The following RAD51B variants were observed in gnomAD, a reference collection of about 807,000 sequenced individuals.
RAD51B encodes the protein DNA repair protein RAD51 homolog 2.
RAD51B carries 38 observed loss-of-function variants against 42.2 expected under a neutral mutation model. The ratio of observed to expected loss-of-function variants is 0.90; its 90% CI spans 0.70 to 1.18. The LOEUF is 1.18. RAD51B is among the 50% of genes most tolerant of loss of function. The pLI is 0.00. For synonymous variants in RAD51B, 154 were observed against 145.2 expected (o/e 1.06, Z -0.43); for missense variants, 373 against 400.7 (o/e 0.93, Z 0.59).
intron 10 of RAD51B, among the ~76,000 whole-genome samples, chr14:68,621,862 T>G (rs8009151): frequency 0.23 from 35,647 of 152,084 alleles, 4,711 homozygotes; most frequent in African/African-American, 0.34. Context: ...ACAGTGACAA[T>G]GAGTGTAATT....
intron 4 of RAD51B, among the ~76,000 whole-genome samples, chr14:67,863,129 C>T (rs2042215316): frequency 1.4e-5 from 2 of 147,438 alleles, no homozygotes; most frequent in Non-Finnish European, 1.5e-5. Context: ...TATAAACCAG[C>T]ATATAGTTTT....
Position 67,877,358 on chromosome 14 carries a change from A to G in RAD51B, c.453-8511A>G, listed in dbSNP as rs1157556826. ...TTTGCCCAAGATCATATGGCTAATA[A>G]GATAGCTGAGAGGTGAACTCATATC... On this transcript the variant is annotated intron_variant, in intron 5 of 10. Transcript: ENST00000471583. Among the ~76,000 whole-genome samples, 3 of 152,206 alleles carry G rather than the reference A, an allele frequency of 2.0e-5. No homozygotes were observed. In the East Asian group the frequency reaches 5.8e-4, roughly 29 times the overall value.
intron 9 of RAD51B, among the ~76,000 whole-genome samples, chr14:68,461,856 A>C (rs531407543): frequency 1.3e-5 from 2 of 152,328 alleles, no homozygotes; most frequent in Non-Finnish European, 1.5e-5. Context: ...ATGGGCCCCA[A>C]TGGCCAATTT....
At chr14:68,102,503 C>G (rs1327502277) in intron 7 of RAD51B, among the ~76,000 whole-genome samples, 1 of 152,170 alleles carries the variant, frequency 6.6e-6, no homozygotes. Flanking sequence ...CAACTTTGCT[C>G]CATTTCCCAA....
rs1035170786 is a variant in RAD51B, at chr14:68,565,551, A to G, written c.1037-28934A>G. On this transcript the variant is annotated intron_variant, in intron 10 of 10. Coordinates refer to the RAD51B transcript ENST00000487270. This position sits in a 1 kb window ranked among gnomAD's most constrained non-coding sequence, Gnocchi z 4.1. Reference sequence around the variant, plus strand: ...ATCTGCCACTCCATGACTTTGATTCATTGACCCAGTTTTGCAATAATTCTC... The same window carrying G: ...ATCTGCCACTCCATGACTTTGATTCGTTGACCCAGTTTTGCAATAATTCTC... Among the ~76,000 whole-genome samples the G allele has an allele frequency of 2.0e-5, 3 of 152,138 alleles. No individual in the cohort carries two copies. Among genetic ancestry groups the G allele is most frequent in the African/African-American group, 7.2e-5 (3 of 41,428 alleles).
rs2081021712 is a variant in RAD51B at position 68,267,783 on chromosome 14, T to C, written c.757-24101T>C. On this transcript the variant is annotated intron_variant, in intron 7 of 10. Transcript: ENST00000471583. ...TTAACATCAGATTAATCGTATCACT[T>C]TGTGTATGAATATCATATAAAAATG... is the stretch of plus-strand genomic sequence containing the variant. Among the ~76,000 whole-genome samples, 3 of 152,250 alleles carry C rather than the reference T, an allele frequency of 2.0e-5. No individual in the cohort carries two copies. The South Asian group carries it at 6.2e-4, about 31-fold the overall frequency.
At chr14:68,241,368 C>T (rs963445154) in intron 7 of RAD51B, among the ~76,000 whole-genome samples, 6 of 152,094 alleles carry the variant, frequency 3.9e-5, no homozygotes, top group African/African-American at 1.4e-4. Flanking sequence ...TGGTGGAACA[C>T]CATCTCTACT....
At chr14:68,143,548 G>C (rs1595463175) in intron 7 of RAD51B, among the ~76,000 whole-genome samples, 1 of 152,178 alleles carries the variant, frequency 6.6e-6, no homozygotes. Flanking sequence ...AAACCCTTCA[G>C]GCTGTCAAGG....
rs539652610 is a variant in RAD51B, at chr14:68,315,779, C to T, written c.853+23799C>T. ...CCTCATGATCTGCCCGCCTTGGCCT[C>T]CCAAAGTGCTGGGATTACAGGCGTG... On this transcript the variant is annotated intron_variant, in intron 8 of 10. Transcript: ENST00000471583. Among the ~76,000 whole-genome samples, 40 of 152,322 alleles carry T rather than the reference C, an allele frequency of 2.6e-4. 2 individuals carry two copies. In the South Asian group the frequency reaches 8.1e-3, roughly 31 times the overall value.
chr14:68,150,596 T>C (rs2078357769), intron 7 of RAD51B, among the ~76,000 whole-genome samples: 1 of 152,260 alleles, frequency 6.6e-6, no homozygotes, highest in South Asian at 2.1e-4. Flanking sequence ...ATTGTGTTTT[T>C]AATTTCAAAT....
At chr14:68,072,297 G>A (rs2076765585) in intron 7 of RAD51B, among the ~76,000 whole-genome samples, 1 of 148,036 alleles carries the variant, frequency 6.8e-6, no homozygotes, top group South Asian at 2.1e-4. Flanking sequence ...TATATATATA[G>A]GAGTTTATTA....
At chr14:68,465,940 CAAAAAAAA>C (rs59348577) in intron 9 of RAD51B, among the ~76,000 whole-genome samples, 17 of 129,352 alleles carry the variant, frequency 1.3e-4, no homozygotes, top group African/African-American at 5.4e-4. Flanking sequence ...GACTCTGTCT[CAAAAAAAA>C]AAAAAATAAA....
intron 7 of RAD51B, among the ~76,000 whole-genome samples, chr14:68,104,203 G>T (rs1256283391): frequency 6.6e-6 from 1 of 152,030 alleles, no homozygotes; most frequent in Non-Finnish European, 1.5e-5. Context: ...AGGCTTAAGG[G>T]GTAGTTTCTA....
intron 4 of RAD51B, among the ~76,000 whole-genome samples, chr14:67,837,591 G>A (rs1434113569): frequency 6.6e-6 from 1 of 151,614 alleles, no homozygotes. Context: ...TTTGTTTTTT[G>A]TTTTTCAACT....
At chr14:68,453,873 C>T (rs1262760693) in intron 9 of RAD51B, among the ~76,000 whole-genome samples, 5 of 152,066 alleles carry the variant, frequency 3.3e-5, no homozygotes. Flanking sequence ...AACCAAGGAT[C>T]ACCAGACTTT....
intron 7 of RAD51B, among the ~76,000 whole-genome samples, chr14:67,951,897 G>A (rs192606382): frequency 6.6e-6 from 1 of 152,102 alleles, no homozygotes; most frequent in Non-Finnish European, 1.5e-5. Context: ...AAACATTCCT[G>A]GACCTCCTGT....
At chr14:67,954,114 T>C (rs1176235140) in intron 7 of RAD51B, among the ~76,000 whole-genome samples, 11 of 152,194 alleles carry the variant, frequency 7.2e-5, no homozygotes, top group Admixed American at 7.2e-4. Flanking sequence ...GACTCTTCTG[T>C]ACTCCATGGT....
chr14:68,054,762 C>A (rs556122811), intron 7 of RAD51B, among the ~76,000 whole-genome samples: 1 of 152,312 alleles, frequency 6.6e-6, no homozygotes, highest in Non-Finnish European at 1.5e-5. Flanking sequence ...TTCGTTCTCT[C>A]TTCTACCCCC....
At chr14:68,259,289 CG>C (rs2080825214) in intron 7 of RAD51B, among the ~76,000 whole-genome samples, 1 of 88,668 alleles carries the variant, frequency 1.1e-5, no homozygotes, top group Admixed American at 1.7e-4. Flanking sequence ...CATCACACAC[CG>C]GGGACTGTTG....
Sources: allele counts gnomAD v4.1 joint callset (sites outside exome capture counted in the v4.1 genomes callset), GRCh38; gene constraint gnomAD v4.1.1; non-coding constraint Gnocchi (gnomAD v3.1); transcripts MANE v1.5; gene names NCBI Gene and HGNC (gene_info 2026-07-23, HGNC 2026-07-21).